Variants in ITFG1 observed in about 807,000 individuals in gnomAD.
ITFG1 encodes T-cell immunomodulatory protein.
In ITFG1, 34 loss-of-function variants were observed where a neutral mutation model predicts 81.8. The observed-to-expected ratio is 0.42, with a 90% confidence interval of 0.32 to 0.55. The LOEUF (loss-of-function observed/expected upper bound fraction) is 0.55, where lower values mean the gene tolerates loss of function less well. Among genes scored for constraint, ITFG1 ranks in the 20% least tolerant of loss-of-function variants. The pLI, the probability that ITFG1 is intolerant of heterozygous loss-of-function variation, is 0.17. For synonymous variants in ITFG1, 285 were observed against 270.6 expected, an observed-to-expected ratio of 1.05 and a Z score of -0.52; for missense variants, 672 against 755.4, an observed-to-expected ratio of 0.89 and a Z score of 1.29.
intron 13 of ITFG1, among the ~76,000 whole-genome samples, chr16:47,221,140 C>T (rs1201906159): frequency 6.6e-6 from 1 of 151,952 alleles, no homozygotes. Flanking sequence ...CACTATATGA[C>T]CTTTTCGGAA....
At chr16:47,176,193 C>T (rs758705342) in intron 14 of ITFG1, among the ~76,000 whole-genome samples, 2 of 152,210 alleles carry the variant, frequency 1.3e-5, no homozygotes, top group Non-Finnish European at 2.9e-5. Context: ...TTCTCTGGCT[C>T]ATTCCAGATA....
intron 10 of ITFG1, among the ~76,000 whole-genome samples, chr16:47,304,165 TAC>T (rs1478144174): frequency 1.3e-5 from 2 of 152,190 alleles, no homozygotes; most frequent in Non-Finnish European, 2.9e-5. Context: ...CTGTGTAGTC[TAC>T]AGTCGGTAGG....
At chr16:47,263,407 T>C in intron 10 of ITFG1, 1 of 469,148 alleles carries the variant, frequency 2.1e-6, no homozygotes, top group Admixed American at 2.2e-5. Flanking sequence ...CAGGAGGTGC[T>C]GCTAACCTCT....
intron 8 of ITFG1, among the ~76,000 whole-genome samples, chr16:47,315,106 T>C (rs1967332160): frequency 6.6e-6 from 1 of 152,126 alleles, no homozygotes; most frequent in Non-Finnish European, 1.5e-5. Flanking sequence ...TCATGATTAA[T>C]AACATTATGA....
intron 10 of ITFG1, among the ~76,000 whole-genome samples, chr16:47,269,865 ATCTGAATTGACTAC>A (rs1243943937): frequency 1.1e-4 from 16 of 152,210 alleles, no homozygotes; most frequent in Non-Finnish European, 1.9e-4. Context: ...GGCATATACT[ATCTGAATTGACTAC>A]TCATTTTAAA....
At chr16:47,330,116 A>G (rs1967616982) in intron 8 of ITFG1, among the ~76,000 whole-genome samples, 1 of 152,220 alleles carries the variant, frequency 6.6e-6, no homozygotes, top group African/African-American at 2.4e-5. Flanking sequence ...ATGGAACAGA[A>G]TAGAGAGCCC....
intron 8 of ITFG1, among the ~76,000 whole-genome samples, chr16:47,321,005 A>C (rs1486127700): frequency 1.3e-5 from 2 of 152,218 alleles, no homozygotes; most frequent in East Asian, 3.8e-4. Flanking sequence ...TTCTATCTAC[A>C]ATCTGGAACT....
At chr16:47,220,840 A>G (rs1184302306) in intron 13 of ITFG1, among the ~76,000 whole-genome samples, 2 of 152,206 alleles carry the variant, frequency 1.3e-5, no homozygotes, top group Non-Finnish European at 2.9e-5. Context: ...CTGCTCCTCA[A>G]TAAAAGCAAT....
chr16:47,292,053 G>A (rs530054744), intron 10 of ITFG1, among the ~76,000 whole-genome samples: 1 of 149,730 alleles, frequency 6.7e-6, no homozygotes, highest in African/African-American at 2.5e-5. Context: ...TCGCTCTTTC[G>A]TCTAGGCTGG....
At chr16:47,330,035 A>G (rs1299435330) in intron 8 of ITFG1, among the ~76,000 whole-genome samples, 1 of 152,124 alleles carries the variant, frequency 6.6e-6, no homozygotes, top group Non-Finnish European at 1.5e-5. Flanking sequence ...TCTGGAGAAC[A>G]TAAATGAAAG....
At chr16:47,395,317 G>A (rs1478230180) in intron 6 of ITFG1, among the ~76,000 whole-genome samples, 1 of 152,060 alleles carries the variant, frequency 6.6e-6, no homozygotes, top group Non-Finnish European at 1.5e-5. Context: ...TCATTAAAGA[G>A]TCTAATTAGA....
chr16:47,205,405 G>A (rs535324220), intron 14 of ITFG1, among the ~76,000 whole-genome samples: 4 of 152,110 alleles, frequency 2.6e-5, no homozygotes, highest in Non-Finnish European at 4.4e-5. Context: ...AAGACAATTC[G>A]TACAAATTTT....
chr16:47,238,100 A>T (rs1567432076), intron 12 of ITFG1, 92 bp from the exon 13 acceptor site: 3 of 677,016 alleles, frequency 4.4e-6, no homozygotes, highest in Non-Finnish European at 7.5e-6. Flanking sequence ...AATATACTCT[A>T]TTGATTCATA....
At chr16:47,259,638 G>C (rs1966182013) in intron 11 of ITFG1, among the ~76,000 whole-genome samples, 1 of 152,096 alleles carries the variant, frequency 6.6e-6, no homozygotes, top group Non-Finnish European at 1.5e-5. Flanking sequence ...GTCCTATTGG[G>C]CACTTAACTT....
chr16:47,420,303 A>C (rs1968928861), intron 6 of ITFG1, among the ~76,000 whole-genome samples: 1 of 152,124 alleles, frequency 6.6e-6, no homozygotes, highest in Non-Finnish European at 1.5e-5. Flanking sequence ...TGAGAAAAAT[A>C]TGTATTCTGT....
At chr16:47,337,012 G>A (rs1967713663) in intron 8 of ITFG1, among the ~76,000 whole-genome samples, 2 of 150,954 alleles carry the variant, frequency 1.3e-5, no homozygotes, top group African/African-American at 4.9e-5. Flanking sequence ...GCTCATGCCT[G>A]TGGGCACATG....
intron 10 of ITFG1, among the ~76,000 whole-genome samples, chr16:47,305,371 A>G (rs1043404389): frequency 6.6e-6 from 1 of 151,758 alleles, no homozygotes; most frequent in Admixed American, 6.5e-5. Context: ...TGAGCTGAAC[A>G]AAGACATTTT....
chr16:47,203,407 A>G (rs1284520764), intron 14 of ITFG1, among the ~76,000 whole-genome samples: 2 of 152,148 alleles, frequency 1.3e-5, no homozygotes, highest in African/African-American at 4.8e-5. Flanking sequence ...TTTATTATGC[A>G]CTTTATTTCT....
chr16:47,344,624 G>C (rs1967827007), intron 8 of ITFG1, among the ~76,000 whole-genome samples: 1 of 152,140 alleles, frequency 6.6e-6, no homozygotes, highest in Non-Finnish European at 1.5e-5. Context: ...GTTTATTTAA[G>C]TTTTAATGTT....
Sources: allele counts gnomAD v4.1 joint callset (sites outside exome capture counted in the v4.1 genomes callset), GRCh38; gene constraint gnomAD v4.1.1; transcripts MANE v1.5; gene names NCBI Gene and HGNC (gene_info 2026-07-23, HGNC 2026-07-21).